The following NCAPD3 variants were observed in gnomAD, a reference collection of about 807,000 sequenced individuals.
The protein encoded by NCAPD3 is non-SMC condensin II complex subunit D3, also known as condensin-2 complex subunit D3.
A neutral mutation model predicts 182.9 loss-of-function variants in NCAPD3; 105 were observed. The ratio of observed to expected loss-of-function variants is 0.57; its 90% confidence interval spans 0.49 to 0.68. The LOEUF is 0.68. Ranked by LOEUF, NCAPD3 falls within the 30% of genes least tolerant of loss-of-function variation. The probability of loss-of-function intolerance (pLI) is 0.00; values close to 1 mark genes in which losing one functional copy is unlikely to be tolerated. For synonymous variants in NCAPD3, 815 were observed against 679.9 expected (o/e 1.20, Z -3.09); for missense variants, 1,944 against 1,837.0 (o/e 1.06, Z -1.07).
At chr11:134,193,677 T>C (rs1944568516) in intron 15 of NCAPD3, among the ~76,000 whole-genome samples, 1 of 152,174 alleles carries the variant, frequency 6.6e-6, no homozygotes, top group Non-Finnish European at 1.5e-5. Flanking sequence ...TGCTTGAACC[T>C]GAGAGGCAGA....
At chr11:134,161,570 A>T (rs193009293) in intron 28 of NCAPD3, among the ~76,000 whole-genome samples, 1 of 152,336 alleles carries the variant, frequency 6.6e-6, no homozygotes, top group African/African-American at 2.4e-5. Context: ...CCGGCTCTTC[A>T]CGGCCCTGGC....
chr11:134,176,250 G>T (rs1944161276), intron 24 of NCAPD3, 57 bp downstream of exon 24: 1 of 1,476,150 alleles, frequency 6.8e-7, no homozygotes, highest in East Asian at 2.3e-5. Context: ...AAGAAATCCA[G>T]CATACATCAG....
intron 2 of NCAPD3, among the ~76,000 whole-genome samples, chr11:134,218,115 G>GGT (rs1938096835): frequency 9.0e-6 from 1 of 110,760 alleles, no homozygotes; most frequent in African/African-American, 2.9e-5. Flanking sequence ...AAAAAAGGGG[G>GGT]GGGGGGGAAG....
At position 134,185,396 on chromosome 11, in the gene NCAPD3, C is replaced by T. The variant is rs750563766; in HGVS notation, c.2176G>A (p.Ala726Thr). 7 of 1,613,946 alleles carry T rather than the reference C, an allele frequency of 4.3e-6. No individual in the cohort carries two copies. The Admixed American group carries it at 1.2e-4, about 27-fold the overall frequency. Residue 726 changes from alanine to threonine, a missense_variant, in exon 17 of 35, where the codon GCT (alanine) becomes ACT (threonine). Coordinates refer to ENST00000534548, the MANE Select transcript of NCAPD3 (RefSeq NM_015261.3). ...TAGTCCAGCCTGGGTGAGGAGCCAG[C>T]AATCTTGGAGAGCAGCATCCAGGCA... ...APAWMLLSKI[A>T]GSSPRLDYSR...
At chr11:134,193,958 TGG>T (rs1944575402) in intron 15 of NCAPD3, 56 bp downstream of exon 15, 1 of 1,524,954 alleles carries the variant, frequency 6.6e-7, no homozygotes, top group Admixed American at 1.9e-5. Context: ...AATTATTGTG[TGG>T]AATTACTTTT....
chr11:134,165,871 TCA>T (rs958539938), intron 27 of NCAPD3, among the ~76,000 whole-genome samples: 2 of 110,320 alleles, frequency 1.8e-5, no homozygotes, highest in African/African-American at 3.7e-5. Flanking sequence ...AGCTGCACAC[TCA>T]CTAGTGAGAT....
intron 24 of NCAPD3, among the ~76,000 whole-genome samples, chr11:134,175,502 G>A (rs1017635295): frequency 7.2e-5 from 11 of 152,288 alleles, no homozygotes; most frequent in Non-Finnish European, 1.6e-4. Context: ...AAACTGAGCA[G>A]AAACTTCCAC....
At chr11:134,186,270 C>A (rs1203064265) in intron 16 of NCAPD3, 1 of 149,672 alleles carries the variant, frequency 6.7e-6, no homozygotes, top group Non-Finnish European at 1.5e-5. Context: ...GATCACAGCT[C>A]TCTGTGTAGC....
intron 27 of NCAPD3, among the ~76,000 whole-genome samples, 173 bp downstream of exon 27, chr11:134,167,823 A>C (rs1943898671): frequency 7.5e-6 from 1 of 134,218 alleles, no homozygotes; most frequent in African/African-American, 2.9e-5. Context: ...GGGGAGCAGC[A>C]CACTCACTTG....
At chr11:134,188,782 G>C (rs553798804) in intron 16 of NCAPD3, among the ~76,000 whole-genome samples, 1 of 152,326 alleles carries the variant, frequency 6.6e-6, no homozygotes, top group Admixed American at 6.5e-5. Context: ...AAGGTCTGCG[G>C]CTTTATTCTT....
chr11:134,174,451 T>C (rs1944109244), intron 24 of NCAPD3, among the ~76,000 whole-genome samples: 1 of 147,680 alleles, frequency 6.8e-6, no homozygotes, highest in Non-Finnish European at 1.5e-5. Context: ...AGGCGTAGCC[T>C]TTGGCCTAAA....
intron 16 of NCAPD3, among the ~76,000 whole-genome samples, chr11:134,187,928 C>G (rs1362284388): frequency 6.6e-6 from 1 of 152,218 alleles, no homozygotes; most frequent in Non-Finnish European, 1.5e-5. Context: ...CTCCAAACCT[C>G]AGGCTCAGCT....
At chr11:134,173,917 T>C (rs1431631025) in intron 24 of NCAPD3, among the ~76,000 whole-genome samples, 5 of 150,218 alleles carry the variant, frequency 3.3e-5, no homozygotes, top group African/African-American at 7.4e-5. Flanking sequence ...GCCGAGATCA[T>C]GCCATTGCAC....
rs1474027679 is a variant in NCAPD3, at chr11:134,206,851, A to C, written c.883-119T>G. 3.5e-5 allele frequency: 35 copies of C among 1,012,784 alleles called. No homozygotes were observed. In the East Asian group the frequency reaches 9.4e-4, roughly 27 times the overall value. 62.7% of individuals were successfully genotyped at this position (1,012,784 alleles called of 1,614,324 possible). ...ATCTGAAGGTAGGTCAGGCTGGCAT[A>C]ATTGCTGGCTGAACACTAGGGATAT... On this transcript the variant is annotated intron_variant, in intron 7 of 34. Transcript: ENST00000534548.
Position 134,153,057 on chromosome 11 carries a change from G to A in NCAPD3, c.4389-5C>T. On this transcript the variant is annotated splice_polypyrimidine_tract_variant and splice_region_variant and intron_variant, in intron 34 of 34. Transcript: ENST00000534548. ...CACTGCTGAGGCTGTGGGGGCCTAG[G>A]GAAAGGACATGTGCAGTCATTCTGG... The A allele has an allele frequency of 4.4e-6, 7 of 1,606,552 alleles. No homozygotes were observed. The highest frequency in any genetic ancestry group is 6.0e-6 in the Non-Finnish European group (7 of 1,174,440).
chr11:134,180,799 C>T (rs1944279670), intron 20 of NCAPD3, among the ~76,000 whole-genome samples: 1 of 152,192 alleles, frequency 6.6e-6, no homozygotes, highest in Admixed American at 6.5e-5. Flanking sequence ...ACCAACCTTA[C>T]AACACATACT....
chr11:134,180,750 CATT>C (rs950552313), intron 20 of NCAPD3, among the ~76,000 whole-genome samples: 1 of 152,164 alleles, frequency 6.6e-6, no homozygotes, highest in African/African-American at 2.4e-5. Context: ...ACTATACTCA[CATT>C]ATTATTTCTT....
Position 134,185,512 on chromosome 11 carries a change from T to A in NCAPD3, c.2060A>T (p.Lys687Met). ...TTTCTTGGACCAGATATGAAAAGCC[T>A]TATTTAAATATCGGCTGGAAAAAAA... The part of the protein sequence containing the change: ...ESQELSRYLN[K>M]AFHIWSKKEK... Residue 687 changes from lysine to methionine, a missense_variant, in exon 17 of 35, where the codon AAG becomes ATG. Lys to Met is a moderately conservative substitution (Grantham distance 95). Coordinates refer to ENST00000534548, the MANE Select transcript of NCAPD3 (RefSeq NM_015261.3). 1 of 1,589,358 alleles carries A rather than the reference T, an allele frequency of 6.3e-7. No individual in the cohort carries two copies. Among genetic ancestry groups the A allele is most frequent in the Non-Finnish European group, 8.5e-7 (1 of 1,170,742 alleles).
rs776498251 is a variant in NCAPD3 at position 134,203,904 on chromosome 11, G to A, written c.1218C>T (p.Ile406=). The A allele has an allele frequency of 6.2e-7, 1 of 1,613,318 alleles. No individual in the cohort carries two copies. Residue 406 remains isoleucine (I), a splice_region_variant and synonymous_variant, in exon 11 of 35, where the codon ATC becomes ATT. Transcript: ENST00000534548. ...WLYKYSRSSK[I]PHRVFTLDVV... Reference sequence around the variant, plus strand: ...CATCAAGAGTAAAAACCCGGTGTGGGATCTGGTAAAGCAAGATCATAAGAA... The same window carrying A: ...CATCAAGAGTAAAAACCCGGTGTGGAATCTGGTAAAGCAAGATCATAAGAA...
Sources: allele counts gnomAD v4.1 joint callset (sites outside exome capture counted in the v4.1 genomes callset), GRCh38; gene constraint gnomAD v4.1.1; transcripts MANE v1.5; gene names NCBI Gene and HGNC (gene_info 2026-07-23, HGNC 2026-07-21).